The following FGGY variants were observed in gnomAD, a reference collection of about 807,000 sequenced individuals.
FGGY encodes the protein FGGY carbohydrate kinase domain-containing protein.
A neutral mutation model predicts 71.3 loss-of-function variants in FGGY; 72 were observed. That is an observed-to-expected ratio of 1.01 (90% CI 0.84 to 1.23). The LOEUF is 1.23. FGGY is among the 50% of genes most tolerant of loss of function. The pLI, the probability that FGGY is intolerant of heterozygous loss-of-function variation, is 0.00. For missense variants in FGGY, 668 were observed against 682.3 expected (o/e 0.98, Z 0.23); for synonymous variants, 251 against 250.3 (o/e 1.00, Z -0.02).
intron 14 of FGGY, among the ~76,000 whole-genome samples, chr1:59,756,475 T>G (rs1007667975): frequency 6.6e-6 from 1 of 152,258 alleles, no homozygotes; most frequent in Admixed American, 6.5e-5. Flanking sequence ...TGAAAGAAGT[T>G]TATCCGCTTC....
chr1:59,560,083 C>T (rs543842593), intron 8 of FGGY, among the ~76,000 whole-genome samples: 30 of 152,228 alleles, frequency 2.0e-4, no homozygotes, highest in Middle Eastern at 3.4e-3. Context: ...ACAGCATCCA[C>T]GTGACAAGGT....
chr1:59,646,872 C>A (rs922140627), intron 11 of FGGY, among the ~76,000 whole-genome samples: 1 of 152,186 alleles, frequency 6.6e-6, no homozygotes, highest in African/African-American at 2.4e-5. Context: ...AAAACTAGAT[C>A]TTTGTCATTA....
intron 4 of FGGY, among the ~76,000 whole-genome samples, chr1:59,369,633 C>A (rs537394797): frequency 1.3e-4 from 20 of 152,296 alleles, no homozygotes; most frequent in Admixed American, 9.8e-4. Context: ...TGACCCCTGA[C>A]CCCCGAGCAG....
intron 6 of FGGY, among the ~76,000 whole-genome samples, chr1:59,489,233 A>G (rs76310527): frequency 6.4e-4 from 98 of 152,286 alleles, no homozygotes; most frequent in Non-Finnish European, 1.2e-3. Flanking sequence ...TGCTAGAAAC[A>G]TTCAATATCC....
chr1:59,582,472 C>T (rs908603329), intron 8 of FGGY, among the ~76,000 whole-genome samples: 1 of 149,846 alleles, frequency 6.7e-6, no homozygotes, highest in African/African-American at 2.5e-5. Context: ...TCACGTTGCA[C>T]TACTACCCCT....
chr1:59,367,460 G>A (rs776560163), intron 4 of FGGY, among the ~76,000 whole-genome samples: 1 of 152,238 alleles, frequency 6.6e-6, no homozygotes, highest in South Asian at 2.1e-4. Flanking sequence ...ACAACAGCAT[G>A]AGTACTTGGA....
intron 14 of FGGY, among the ~76,000 whole-genome samples, chr1:59,714,552 C>T (rs768546486): frequency 2.0e-5 from 3 of 152,194 alleles, no homozygotes; most frequent in South Asian, 2.1e-4. Context: ...AATGGTTTTA[C>T]TCTGGCACAT....
intron 5 of FGGY, among the ~76,000 whole-genome samples, chr1:59,425,395 T>C (rs1052181927): frequency 6.6e-6 from 1 of 152,168 alleles, no homozygotes; most frequent in African/African-American, 2.4e-5. Flanking sequence ...AAATTGGAAA[T>C]GGATATTTGC....
intron 4 of FGGY, among the ~76,000 whole-genome samples, chr1:59,352,980 C>T (rs2053588651): frequency 6.6e-6 from 1 of 152,164 alleles, no homozygotes; most frequent in African/African-American, 2.4e-5. Flanking sequence ...TACTATTCAA[C>T]TGTGTTCATC....
intron 14 of FGGY, among the ~76,000 whole-genome samples, chr1:59,737,610 C>T (rs2098116764): frequency 6.6e-6 from 1 of 152,172 alleles, no homozygotes; most frequent in Admixed American, 6.5e-5. Flanking sequence ...TTTGTTTTGG[C>T]CAATTTCTCC....
intron 7 of FGGY, among the ~76,000 whole-genome samples, chr1:59,538,703 G>T (rs2095382270): frequency 6.6e-6 from 1 of 152,038 alleles, no homozygotes. Flanking sequence ...TAGGGACATG[G>T]ATGAAATTGG....
chr1:59,407,171 G>A (rs2062888622), intron 5 of FGGY, among the ~76,000 whole-genome samples: 1 of 152,220 alleles, frequency 6.6e-6, no homozygotes, highest in African/African-American at 2.4e-5. Context: ...TCATCGGCTG[G>A]TTGGTCCTGG....
chr1:59,638,331 C>T lies in FGGY; in HGVS notation c.1177C>T (p.His393Tyr). 1 of 1,614,220 alleles carries T rather than the reference C, an allele frequency of 6.2e-7. No individual in the cohort carries two copies. The highest frequency in any genetic ancestry group is 1.1e-5 in the South Asian group (1 of 91,088). Residue 393 changes from histidine to tyrosine, a missense_variant, in exon 11 of 16, where the codon CAT becomes TAT. Transcript: ENST00000303721. ...TGATTTACATGTTTGGCCAGATTTCCATGGCAACCGGTCTCCCTTAGCAGA... is the reference window on the plus strand; with the variant it reads ...TGATTTACATGTTTGGCCAGATTTCTATGGCAACCGGTCTCCCTTAGCAGA... ...TVDLHVWPDFHGNRSPLADLT... is the reference protein window; with the variant it reads ...TVDLHVWPDFYGNRSPLADLT...
At position 59,472,178 on chromosome 1, in the gene FGGY, G is replaced by A. The variant is rs913846453; in HGVS notation, c.670+15102G>A. ...CTGCGCGCAGTGCTTGCGGGCCAGC[G>A]TGAGTTCCGGGTGGGTGTGGGCTCG... On this transcript the variant is annotated intron_variant, in intron 6 of 15. Transcript: ENST00000303721. Among the ~76,000 whole-genome samples the A allele has an allele frequency of 9.8e-5, 15 of 152,346 alleles. No individual in the cohort carries two copies. In the East Asian group the frequency reaches 1.4e-3, roughly 14 times the overall value.
chr1:59,387,792 C>G (rs1571450020), intron 5 of FGGY, among the ~76,000 whole-genome samples: 1 of 152,284 alleles, frequency 6.6e-6, no homozygotes, highest in Admixed American at 6.5e-5. Flanking sequence ...AAATAAATTG[C>G]AGACCTCACA....
At chr1:59,473,229 G>A (rs1309728353) in intron 6 of FGGY, among the ~76,000 whole-genome samples, 7 of 151,924 alleles carry the variant, frequency 4.6e-5, no homozygotes, top group Admixed American at 2.6e-4. Flanking sequence ...TGAAGCCAGC[G>A]AGACCACGAA....
intron 5 of FGGY, among the ~76,000 whole-genome samples, chr1:59,410,989 A>G (rs1464781061): frequency 6.6e-6 from 1 of 152,184 alleles, no homozygotes; most frequent in East Asian, 1.9e-4. Flanking sequence ...ATCTTACATA[A>G]TCACTGTATA....
At chr1:59,385,449 C>T (rs116320154) in intron 5 of FGGY, among the ~76,000 whole-genome samples, 82 of 152,278 alleles carry the variant, frequency 5.4e-4, no homozygotes, top group African/African-American at 1.9e-3. Flanking sequence ...TGTTAGTCCT[C>T]ATGACCATCC....
rs556709711 is a variant in FGGY, at chr1:59,642,749, C to T, written c.1221+4374C>T. 4.6e-5 allele frequency among the ~76,000 whole-genome samples: 7 copies of T among 151,558 alleles called. No individual in the cohort carries two copies. In the East Asian group the frequency reaches 7.8e-4, roughly 17 times the overall value. On this transcript the variant is annotated intron_variant, in intron 11 of 15. Transcript: ENST00000303721. ...GGCCCCTTAGAAAAACCATTACATA[C>T]GGCTGGACGCGGTGGCTCACACCTG...
Sources: allele counts gnomAD v4.1 joint callset (sites outside exome capture counted in the v4.1 genomes callset), GRCh38; gene constraint gnomAD v4.1.1; transcripts MANE v1.5; gene names NCBI Gene and HGNC (gene_info 2026-07-23, HGNC 2026-07-21).